DPF3: variants seen among roughly 807,000 people sequenced by gnomAD.
DPF3 encodes zinc finger protein DPF3.
Under a neutral mutation model 56.8 loss-of-function variants are expected in DPF3, and 18 were observed. The ratio of observed to expected loss-of-function variants is 0.32; its 90% CI spans 0.22 to 0.47. The LOEUF (loss-of-function observed/expected upper bound fraction) is 0.47. Ranked by LOEUF, DPF3 falls within the 20% of genes least tolerant of loss-of-function variation. The probability of loss-of-function intolerance (pLI) is 1.00; values close to 1 mark genes in which losing one functional copy is unlikely to be tolerated. For missense variants in DPF3, 403 were observed against 488.8 expected, an observed-to-expected ratio of 0.82 and a Z score of 1.65; for synonymous variants, 188 against 180.2, an observed-to-expected ratio of 1.04 and a Z score of -0.35.
intron 1 of DPF3, among the ~76,000 whole-genome samples, chr14:72,865,892 CA>C (rs1885643325): frequency 6.6e-6 from 1 of 152,064 alleles, no homozygotes; most frequent in South Asian, 2.1e-4. Flanking sequence ...ACTAAAAACA[CA>C]AAAATTAGCT....
Position 72,643,309 on chromosome 14 carries a change from G to A in DPF3, c.872-13573C>T, listed in dbSNP as rs563266868. ...AGTTTCCTCCATTTGCACCACATAA[G>A]GGTGAACTAGCTGTCCCCTCAGGCC... On this transcript the variant is annotated intron_variant, in intron 8 of 10. Coordinates refer to ENST00000556509, the MANE Select transcript of DPF3 (RefSeq NM_001280542.3). 3.0e-4 allele frequency among the ~76,000 whole-genome samples: 46 copies of A among 152,294 alleles called. 1 individual carries two copies. The highest frequency in any genetic ancestry group is 1.0e-3 in the African/African-American group (43 of 41,544).
In DPF3 at chr14:72,661,727, C is replaced by A. The variant is rs527913586; in HGVS notation, c.871+12513G>T. The stretch of plus-strand genomic sequence containing the variant: ...CATCCTTCAGGTCGGCCTTCCTAGC[C>A]CTTGGGGACAGCTCTGGAAGCTCAG... On this transcript the variant is annotated intron_variant, in intron 8 of 10. Transcript: ENST00000556509. 4.0e-5 allele frequency: 39 copies of A among 985,460 alleles called. No individual in the cohort carries two copies. The African/African-American group carries it at 6.6e-4, about 17-fold the overall frequency. 61.0% of individuals were successfully genotyped at this position (985,460 alleles called of 1,614,324 possible). A position where few individuals can be genotyped will look rare whatever the true frequency, so the allele number is the denominator to read the frequency against.
intron 1 of DPF3, among the ~76,000 whole-genome samples, chr14:72,839,034 C>T (rs1209759170): frequency 6.7e-6 from 1 of 148,986 alleles, no homozygotes; most frequent in Non-Finnish European, 1.5e-5. Context: ...AATTTTTGCA[C>T]CTCAGTCCCC....
At chr14:72,720,690 T>C (rs1889134227) in intron 5 of DPF3, among the ~76,000 whole-genome samples, 1 of 152,224 alleles carries the variant, frequency 6.6e-6, no homozygotes, top group African/African-American at 2.4e-5. Flanking sequence ...GGGCCAGGCA[T>C]GAACTCAGAG....
At chr14:72,639,801 ATAAG>A (rs971932141) in intron 8 of DPF3, among the ~76,000 whole-genome samples, 2 of 152,138 alleles carry the variant, frequency 1.3e-5, no homozygotes, top group African/African-American at 4.8e-5. Context: ...CTATGAGATA[ATAAG>A]TGTTTGTTGT....
chr14:72,677,684 C>A (rs576806380), intron 7 of DPF3, among the ~76,000 whole-genome samples: 22 of 152,178 alleles, frequency 1.4e-4, no homozygotes, highest in African/African-American at 5.3e-4. Flanking sequence ...CCTGGGAGCA[C>A]CGGATATCAT....
chr14:72,734,718 AAAGTT>A (rs1185211473), intron 3 of DPF3, among the ~76,000 whole-genome samples: 4 of 152,130 alleles, frequency 2.6e-5, no homozygotes, highest in South Asian at 4.2e-4. Context: ...GAGACCCTGA[AAAGTT>A]AAGTAACCAC....
chr14:72,640,097 G>A (rs867151297), intron 8 of DPF3, among the ~76,000 whole-genome samples: 4 of 106,038 alleles, frequency 3.8e-5, no homozygotes, highest in Admixed American at 1.1e-4. Context: ...CAGCATTACA[G>A]GGAAAGGCAA....
chr14:72,690,741 T>A (rs1161229687), intron 7 of DPF3, among the ~76,000 whole-genome samples: 1 of 151,768 alleles, frequency 6.6e-6, no homozygotes, highest in South Asian at 2.1e-4. Flanking sequence ...CCCCAGGGCA[T>A]GAATAAAGGA....
At chr14:72,856,882 C>CG (rs1286528407) in intron 1 of DPF3, among the ~76,000 whole-genome samples, 1 of 152,196 alleles carries the variant, frequency 6.6e-6, no homozygotes, top group Non-Finnish European at 1.5e-5. Context: ...GCCTCCCCTG[C>CG]GGGGGTATGA....
At chr14:72,651,526 CAG>C (rs1360320971) in intron 8 of DPF3, among the ~76,000 whole-genome samples, 3 of 152,172 alleles carry the variant, frequency 2.0e-5, no homozygotes, top group Admixed American at 6.5e-5. Flanking sequence ...GTCAGGAAGA[CAG>C]GGGGATGGAA....
In DPF3 at chr14:72,712,378, G is replaced by A. The variant is rs568745115; in HGVS notation, c.604+2045C>T. ...ACTTCATGGAGATGATCCACAAGGA[G>A]GCAGAAGTCAGAGGCAAAGGTGGGA... On this transcript the variant is annotated intron_variant, in intron 6 of 10. Transcript: ENST00000556509. Among the ~76,000 whole-genome samples, 6 of 152,284 alleles carry A rather than the reference G, an allele frequency of 3.9e-5. No individual in the cohort carries two copies. The East Asian group carries it at 1.2e-3, about 29-fold the overall frequency.
chr14:72,807,564 TAC>T (rs986093127), intron 1 of DPF3, among the ~76,000 whole-genome samples: 4 of 152,156 alleles, frequency 2.6e-5, no homozygotes, highest in African/African-American at 9.7e-5. Context: ...GTAAGCTGGG[TAC>T]AGTTGGCTCA....
In DPF3 at chr14:72,632,658, G is replaced by A. The variant is rs1885234317; in HGVS notation, c.872-2922C>T. On this transcript the variant is annotated intron_variant, in intron 8 of 10. Transcript: ENST00000556509. ...AGGAGGAAGGGAGGGAAGGAGGGAG[G>A]GAAGGAAAGAAGGAAGGAAGGAGAA... Among the ~76,000 whole-genome samples, 7 of 144,538 alleles carry A rather than the reference G, an allele frequency of 4.8e-5. No homozygotes were observed. The South Asian group carries it at 1.7e-3, about 35-fold the overall frequency. 94.8% of individuals were successfully genotyped at this position (144,538 alleles called of 152,430 possible).
chr14:72,852,606 G>T (rs916209842), intron 1 of DPF3, among the ~76,000 whole-genome samples: 1 of 152,154 alleles, frequency 6.6e-6, no homozygotes, highest in Non-Finnish European at 1.5e-5. Context: ...GGCAATAAAC[G>T]TCACACATTC....
chr14:72,859,378 G>A (rs1440273644), intron 1 of DPF3, among the ~76,000 whole-genome samples: 1 of 151,874 alleles, frequency 6.6e-6, no homozygotes, highest in African/African-American at 2.4e-5. Context: ...CCAGCTGGCA[G>A]CATTTCTACC....
chr14:72,621,336 G>C (rs1355284257), intron 9 of DPF3, among the ~76,000 whole-genome samples: 1 of 151,856 alleles, frequency 6.6e-6, no homozygotes, highest in African/African-American at 2.4e-5. Flanking sequence ...TTGTGATCTG[G>C]CCCCACCCCC....
At chr14:72,880,581 C>T (rs535752638) in intron 1 of DPF3, among the ~76,000 whole-genome samples, 28 of 152,292 alleles carry the variant, frequency 1.8e-4, no homozygotes, top group African/African-American at 6.5e-4. Context: ...TTTTCAGACA[C>T]GGTCTCACTC....
intron 3 of DPF3, among the ~76,000 whole-genome samples, chr14:72,733,551 A>T (rs1889762933): frequency 6.6e-6 from 1 of 152,154 alleles, no homozygotes; most frequent in South Asian, 2.1e-4. Flanking sequence ...CCAGGAACCA[A>T]GGGAAGAAAC....
Sources: gnomAD v4.1 joint callset for allele counts (sites outside exome capture counted in the v4.1 genomes callset) on GRCh38, gnomAD v4.1.1 for gene constraint, MANE v1.5 for transcripts, NCBI Gene and HGNC (gene_info 2026-07-23, HGNC 2026-07-21) for gene names.